The following SMC2 variants were observed in gnomAD, a reference collection of about 807,000 sequenced individuals.
SMC2 encodes the protein structural maintenance of chromosomes protein 2.
A neutral mutation model predicts 142.6 loss-of-function variants in SMC2; 41 were observed. The ratio of observed to expected loss-of-function variants is 0.29; its 90% CI spans 0.22 to 0.37. The LOEUF is 0.37. SMC2 is among the 10% of genes least tolerant of loss of function. The pLI is 1.00. For missense variants in SMC2, 1,265 were observed against 1,373.7 expected (o/e 0.92, Z 1.25); for synonymous variants, 463 against 457.5 (o/e 1.01, Z -0.15).
upstream of SMC2, chr9:104,092,507 C>T (rs1158652894): frequency 6.6e-6 from 1 of 152,104 alleles, no homozygotes; most frequent in Non-Finnish European, 1.5e-5. Context: ...AGGAAGGAGA[C>T]ACAGCTCAAA....
Position 104,100,396 on chromosome 9 carries a change from A to C in SMC2, c.599A>C (p.Glu200Ala). 3.9e-6 allele frequency: 6 copies of C among 1,520,338 alleles called. No homozygotes were observed. Among genetic ancestry groups the C allele is most frequent in the Non-Finnish European group, 5.5e-6 (6 of 1,099,214 alleles). 94.2% of individuals were successfully genotyped at this position (1,520,338 alleles called of 1,614,324 possible). ...TTTTTCTTTATTTTCCAGATACTTGAAGAAGAGATTACTCCAACCATTCAA... is the reference window on the plus strand; with the variant it reads ...TTTTTCTTTATTTTCCAGATACTTGCAGAAGAGATTACTCCAACCATTCAA... ...AKLKEIKTIL[E>A]EEITPTIQKL... Residue 200 changes from glutamate (E) to alanine (A), a missense_variant, in exon 7 of 25, where the codon GAA (glutamate) becomes GCA (alanine). Glu to Ala is a moderately radical substitution (Grantham distance 107). Coordinates refer to ENST00000374793, the MANE Select transcript of SMC2 (RefSeq NM_006444.3).
intron 10 of SMC2, 54 bp from the exon 11 acceptor site, chr9:104,113,262 A>G (rs1431714658): frequency 7.9e-6 from 11 of 1,392,900 alleles, no homozygotes; most frequent in Non-Finnish European, 1.1e-5. Context: ...CCATTTAATT[A>G]CTAGCACTGT....
rs952089112 is a variant in SMC2, at chr9:104,094,486, T to G, written c.-62+9T>G. On this transcript the variant is annotated intron_variant, in intron 1 of 24. Transcript: ENST00000374793. ...CCTGGCCTGAGGCAGCGGTGAGGCG[T>G]GTGCGTGAGCACGGCCGGTTGGGCC... 1.2e-5 allele frequency: 4 copies of G among 331,974 alleles called. No homozygotes were observed. Among genetic ancestry groups the G allele is most frequent in the Non-Finnish European group, 1.1e-5 (2 of 189,224 alleles). 20.6% of individuals were successfully genotyped at this position (331,974 alleles called of 1,614,324 possible). A position where few individuals can be genotyped will look rare whatever the true frequency, so the allele number is the denominator to read the frequency against.
rs1208474589 is a variant in SMC2, at chr9:104,140,294, A to C, written c.*979A>C. ...GATGATTATTTGTCTTCCGCTTTCC[A>C]GTTCAAAGGGATGAAATTCCTTTAG... On this transcript the variant is annotated 3_prime_UTR_variant, in exon 25 of 25. Transcript: ENST00000374793. 4 of 152,128 alleles carry C rather than the reference A, an allele frequency of 2.6e-5. No homozygotes were observed. Among genetic ancestry groups the C allele is most frequent in the Non-Finnish European group, 5.9e-5 (4 of 67,992 alleles). The allele number at this position is 152,128 out of a possible 1,614,324, so 9.4% of individuals were successfully genotyped here.
At chr9:104,104,977 C>T (rs758352908) in intron 9 of SMC2, among the ~76,000 whole-genome samples, 50 of 152,212 alleles carry the variant, frequency 3.3e-4, no homozygotes, top group Admixed American at 1.6e-3. Context: ...AAGGATCCTT[C>T]GGACCTGCTT....
At position 104,102,493 on chromosome 9, in the gene SMC2, C is replaced by G. The variant is rs774373948; in HGVS notation, c.940C>G (p.Gln314Glu). Residue 314 changes from glutamine to glutamate, a missense_variant, in exon 9 of 25, where the codon CAA (glutamine) becomes GAA (glutamate). This residue lies in a region of SMC2 where 898 missense variants were observed against 904.2 expected (regional missense o/e 0.99). Coordinates refer to ENST00000374793, the MANE Select transcript of SMC2 (RefSeq NM_006444.3). ...AEAQRVNTKS[Q>E]SAFDLKKKNL... Reference sequence around the variant, plus strand: ...GGCTCAGCGAGTTAATACTAAATCTCAAAGCGCATTTGATCTCAAGAAGAA... The same window carrying G: ...GGCTCAGCGAGTTAATACTAAATCTGAAAGCGCATTTGATCTCAAGAAGAA... 3.7e-6 allele frequency: 6 copies of G among 1,613,742 alleles called. No individual in the cohort carries two copies. Among genetic ancestry groups the G allele is most frequent in the Admixed American group, 1.7e-5 (1 of 59,972 alleles).
At chr9:104,123,554 C>T (rs945755960) in intron 17 of SMC2, among the ~76,000 whole-genome samples, 1 of 152,100 alleles carries the variant, frequency 6.6e-6, no homozygotes, top group Non-Finnish European at 1.5e-5. Flanking sequence ...ATTTAATTTG[C>T]ATTTCCCTAA....
intron 10 of SMC2, 76 bp downstream of exon 10, chr9:104,111,890 G>A: frequency 9.9e-7 from 1 of 1,009,942 alleles, no homozygotes; most frequent in Non-Finnish European, 1.4e-6. Context: ...TTTGGCAATT[G>A]TTACATAATG....
At position 104,111,611 on chromosome 9, in the gene SMC2, G is replaced by T. The variant is rs777489147; in HGVS notation, c.1051G>T (p.Glu351Ter). The T allele has an allele frequency of 6.2e-7, 1 of 1,613,518 alleles. No homozygotes were observed. The highest frequency in any genetic ancestry group is 8.5e-7 in the Non-Finnish European group (1 of 1,179,746). Residue 351 changes from glutamate (E) to a stop codon, truncating the protein, a stop_gained, in exon 10 of 25, where the codon GAG becomes TAG. Transcript: ENST00000374793. LOFTEE classifies it high-confidence loss of function. ...AAAAACTTTAGCAGCAAAGGAAAAA[G>T]AGGTTAAAAAGATAACAGATGGACT... ...DSKTLAAKEK[E>*]VKKITDGLHA...
In SMC2 at chr9:104,123,200, A is replaced by G. The variant is rs1473334121; in HGVS notation, c.2225A>G (p.Gln742Arg). 4.3e-6 allele frequency: 7 copies of G among 1,612,766 alleles called. No individual in the cohort carries two copies. The Admixed American group carries it at 1.0e-4, about 23-fold the overall frequency. Residue 742 changes from glutamine (Q) to arginine (R), a missense_variant, in exon 17 of 25, where the codon CAA (glutamine) becomes CGA (arginine). Coordinates refer to ENST00000374793, the MANE Select transcript of SMC2 (RefSeq NM_006444.3). ...CAGCAAAGCTCATATCACAAGCAAC[A>G]AGAAGAATTAGATGCCCTTAAAAAA... ...KLQQSSYHKQ[Q>R]EELDALKKTI... is the part of the protein sequence containing the mutation.
chr9:104,139,209 A>G lies in SMC2; in HGVS notation c.3488A>G (p.Asp1163Gly). Residue 1163 changes from aspartate (D) to glycine (G), a missense_variant, in exon 25 of 25, where the codon GAT (aspartate) becomes GGT (glycine). Asp to Gly is a moderately conservative substitution (Grantham distance 94). Transcript: ENST00000374793. ...GTTCTTTTCAAAACCAAGTTTGTGG[A>G]TGGTGTTTCTACAGTAGCCAGATTT... ...ANVLFKTKFVDGVSTVARFTQ... is the reference protein window; with the variant it reads ...ANVLFKTKFVGGVSTVARFTQ... 2 of 1,603,670 alleles carry G rather than the reference A, an allele frequency of 1.2e-6. No homozygotes were observed. The highest frequency in any genetic ancestry group is 1.7e-6 in the Non-Finnish European group (2 of 1,176,422).
intron 23 of SMC2, among the ~76,000 whole-genome samples, chr9:104,135,032 A>G (rs1172518790): frequency 6.6e-6 from 1 of 152,140 alleles, no homozygotes; most frequent in Non-Finnish European, 1.5e-5. Context: ...GACACATCCT[A>G]AGAAACTGAA....
At chr9:104,092,904 T>G (rs1043245204), upstream of SMC2, 2 of 152,192 alleles carry the variant, frequency 1.3e-5, no homozygotes, top group Non-Finnish European at 2.9e-5. Context: ...CTGACGGTTT[T>G]AGCAAGTGGC....
chr9:104,093,870 T>C (rs915498002), upstream of SMC2, among the ~76,000 whole-genome samples: 2 of 152,010 alleles, frequency 1.3e-5, no homozygotes, highest in African/African-American at 4.8e-5. Context: ...CCCGAGAAGA[T>C]TCTGAAGCTT....
Position 104,119,247 on chromosome 9 carries a change from G to T in SMC2, c.1997-780G>T, listed in dbSNP as rs1015931746. Among the ~76,000 whole-genome samples the T allele has an allele frequency of 2.0e-5, 3 of 152,166 alleles. No individual in the cohort carries two copies. The South Asian group carries it at 6.2e-4, about 31-fold the overall frequency. On this transcript the variant is annotated intron_variant, in intron 15 of 24. Coordinates refer to ENST00000374793, the MANE Select transcript of SMC2 (RefSeq NM_006444.3). ...GTGTTTTTAAATGTCTACAAGAGAA[G>T]AAACTTTTTAGATTTTGTTGATTCA...
At chr9:104,135,932 G>C (rs1588009299) in intron 23 of SMC2, 1 of 518,562 alleles carries the variant, frequency 1.9e-6, no homozygotes, top group Non-Finnish European at 3.8e-6. Flanking sequence ...AATGATACCA[G>C]ATGGAACCTT....
At chr9:104,107,258 C>CA (rs1270778679) in intron 9 of SMC2, among the ~76,000 whole-genome samples, 1 of 152,182 alleles carries the variant, frequency 6.6e-6, no homozygotes, top group Non-Finnish European at 1.5e-5. Context: ...CCTTAAGACA[C>CA]ACGGTCTCTA....
At chr9:104,131,815 G>GTA (rs1157444370) in intron 21 of SMC2, among the ~76,000 whole-genome samples, 194 bp from the exon 22 acceptor site, 1 of 151,758 alleles carries the variant, frequency 6.6e-6, no homozygotes, top group Non-Finnish European at 1.5e-5. Context: ...ATATGAGTGT[G>GTA]TATATACACA....
At chr9:104,113,898 T>C (rs978367531) in intron 11 of SMC2, 66 bp from the exon 12 acceptor site, 4 of 951,650 alleles carry the variant, frequency 4.2e-6, no homozygotes, top group Non-Finnish European at 6.2e-6. Context: ...GTTGCTAATA[T>C]TTTCCTTAAA....
Sources: gnomAD v4.1 joint callset for allele counts (sites outside exome capture counted in the v4.1 genomes callset) on GRCh38, gnomAD v4.1.1 for gene constraint, gnomAD v4.1.1 regional missense constraint, MANE v1.5 for transcripts, NCBI Gene and HGNC (gene_info 2026-07-23, HGNC 2026-07-21) for gene names.